Variants in LRRC4C observed in about 807,000 individuals in gnomAD.
The protein encoded by LRRC4C is leucine rich repeat containing 4C, also known as leucine-rich repeat-containing protein 4C.
In LRRC4C, 5 loss-of-function variants were observed where a neutral mutation model predicts 33.6. That is an observed-to-expected ratio of 0.15 (90% CI 0.08 to 0.31). The LOEUF is 0.31. Ranked by LOEUF, LRRC4C falls within the 10% of genes least tolerant of loss-of-function variation. The pLI is 1.00. For missense variants in LRRC4C, 560 were observed against 796.7 expected, an observed-to-expected ratio of 0.70 and a Z score of 3.58; for synonymous variants, 329 against 302.0, an observed-to-expected ratio of 1.09 and a Z score of -0.93.
Position 40,549,524 on chromosome 11 carries a change from T to A in LRRC4C, c.-270+98618A>T, listed in dbSNP as rs188267448. Among the ~76,000 whole-genome samples the A allele has an allele frequency of 1.6e-3, 248 of 152,294 alleles. 1 individual carries two copies. The highest frequency in any genetic ancestry group is 6.8e-3 in the Middle Eastern group (2 of 294). ...ACAAAGTTTAGGAACAGATTGATGTTCAAGTATAAATGTACAAAAAATAAC... is the reference window on the plus strand; with the variant it reads ...ACAAAGTTTAGGAACAGATTGATGTACAAGTATAAATGTACAAAAAATAAC... On this transcript the variant is annotated intron_variant, in intron 3 of 6. Coordinates refer to ENST00000528697, the MANE Select transcript of LRRC4C (RefSeq NM_001258419.2).
intron 3 of LRRC4C, among the ~76,000 whole-genome samples, chr11:40,553,133 G>A (rs555232037): frequency 1.7e-4 from 26 of 152,126 alleles, no homozygotes; most frequent in South Asian, 1.0e-3. Context: ...TTAGCCCGGC[G>A]TAGTGACAGG....
At chr11:41,424,092 C>G (rs995077272) in intron 1 of LRRC4C, 11 of 152,148 alleles carry the variant, frequency 7.2e-5, no homozygotes, top group African/African-American at 2.6e-4. Context: ...ATCAGCAATT[C>G]TTCATTTCTC....
intron 1 of LRRC4C, among the ~76,000 whole-genome samples, chr11:41,125,830 A>G (rs190392108): frequency 2.6e-5 from 4 of 152,328 alleles, no homozygotes; most frequent in Admixed American, 6.5e-5. Flanking sequence ...TGGTTATAAA[A>G]TAATTGAAAA....
chr11:41,008,458 G>T (rs78011605), intron 1 of LRRC4C, among the ~76,000 whole-genome samples: 30 of 152,208 alleles, frequency 2.0e-4, no homozygotes, highest in African/African-American at 7.2e-4. Flanking sequence ...GAGCTAGTTC[G>T]ATTTGTTGAA....
At chr11:40,786,596 A>C (rs1950418992) in intron 2 of LRRC4C, among the ~76,000 whole-genome samples, 1 of 152,186 alleles carries the variant, frequency 6.6e-6, no homozygotes, top group Admixed American at 6.5e-5. Flanking sequence ...CGCTACTACC[A>C]CAGTAGGATT....
chr11:40,836,130 T>C (rs1952658463), intron 2 of LRRC4C, among the ~76,000 whole-genome samples: 1 of 152,128 alleles, frequency 6.6e-6, no homozygotes, highest in Non-Finnish European at 1.5e-5. Context: ...ATATGACCAG[T>C]TTGTTAATGA....
At chr11:40,218,675 G>T in intron 5 of LRRC4C, among the ~76,000 whole-genome samples, 1 of 117,418 alleles carries the variant, frequency 8.5e-6, no homozygotes, top group African/African-American at 2.8e-5. Context: ...ATAAAGAATG[G>T]CTAAAGAATG....
chr11:41,227,527 C>T (rs1947595614), intron 1 of LRRC4C, among the ~76,000 whole-genome samples: 2 of 152,054 alleles, frequency 1.3e-5, no homozygotes, highest in Admixed American at 1.3e-4. Flanking sequence ...TTTTCAGAGA[C>T]AGGGTCTTGC....
At chr11:40,358,779 C>T (rs945202318) in intron 3 of LRRC4C, among the ~76,000 whole-genome samples, 2 of 152,080 alleles carry the variant, frequency 1.3e-5, no homozygotes, top group East Asian at 1.9e-4. Context: ...TTCTGAAAAC[C>T]CTCTATGCTC....
intron 3 of LRRC4C, among the ~76,000 whole-genome samples, chr11:40,402,378 C>T (rs1949793236): frequency 6.6e-6 from 1 of 151,866 alleles, no homozygotes; most frequent in African/African-American, 2.4e-5. Flanking sequence ...TTATAAAATC[C>T]CTGTAAAGTT....
At chr11:40,464,530 TGAATTATCCTTTTTTGCTG>T (rs1281868724) in intron 3 of LRRC4C, among the ~76,000 whole-genome samples, 1 of 152,028 alleles carries the variant, frequency 6.6e-6, no homozygotes, top group Non-Finnish European at 1.5e-5. Flanking sequence ...AAGAGGAAGT[TGAATTATCCTTTTTTGCTG>T]GTGATATGAT....
At chr11:40,992,561 T>C (rs1263549853) in intron 1 of LRRC4C, among the ~76,000 whole-genome samples, 2 of 152,092 alleles carry the variant, frequency 1.3e-5, no homozygotes, top group Non-Finnish European at 2.9e-5. Context: ...TTTGGCTGAA[T>C]ATATCCAGTG....
chr11:40,323,119 G>A (rs938644287), intron 3 of LRRC4C, among the ~76,000 whole-genome samples: 10 of 152,104 alleles, frequency 6.6e-5, no homozygotes, highest in Non-Finnish European at 1.3e-4. Flanking sequence ...TTTGCTCAGA[G>A]CAGCCTAAAG....
intron 3 of LRRC4C, among the ~76,000 whole-genome samples, chr11:40,350,020 G>A (rs962313431): frequency 1.3e-5 from 2 of 151,972 alleles, no homozygotes; most frequent in African/African-American, 4.8e-5. Flanking sequence ...GTTTGCAAAT[G>A]TTTTCTCCGA....
At chr11:40,224,575 G>A in intron 5 of LRRC4C, among the ~76,000 whole-genome samples, 1 of 152,060 alleles carries the variant, frequency 6.6e-6, no homozygotes, top group South Asian at 2.1e-4. Context: ...ACTATCTATA[G>A]GTATATGAGA....
At chr11:40,833,823 G>A (rs1433963773) in intron 2 of LRRC4C, among the ~76,000 whole-genome samples, 1 of 152,154 alleles carries the variant, frequency 6.6e-6, no homozygotes, top group Non-Finnish European at 1.5e-5. Flanking sequence ...ATAAATGTGT[G>A]TGTGACTAAT....
At chr11:40,627,268 A>AGAGAGC (rs1175226475) in intron 3 of LRRC4C, among the ~76,000 whole-genome samples, 2 of 54,580 alleles carry the variant, frequency 3.7e-5, no homozygotes, top group African/African-American at 5.2e-5. Context: ...AGAGAGAGAG[A>AGAGAGC]GAGAGAGCGA....
At chr11:40,975,563 C>T (rs61887570) in intron 1 of LRRC4C, among the ~76,000 whole-genome samples, 5,104 of 152,272 alleles carry the variant, frequency 0.034, 81 homozygotes, top group Middle Eastern at 0.044. Context: ...TTGCTAAATA[C>T]GTTATCTTGC....
intron 1 of LRRC4C, among the ~76,000 whole-genome samples, chr11:41,389,720 T>G (rs116377374): frequency 0.023 from 3,398 of 149,536 alleles, 134 homozygotes; most frequent in African/African-American, 0.078. Flanking sequence ...TGAAGTAATA[T>G]CTGGACCAGA....
Sources: gnomAD v4.1 joint callset for allele counts (sites outside exome capture counted in the v4.1 genomes callset) on GRCh38, gnomAD v4.1.1 for gene constraint, MANE v1.5 for transcripts, NCBI Gene and HGNC (gene_info 2026-07-23, HGNC 2026-07-21) for gene names.